Variants in CTNNA1 observed in about 807,000 individuals in gnomAD.
The protein encoded by CTNNA1 is catenin alpha-1.
CTNNA1 carries 37 observed loss-of-function variants against 98.4 expected under a neutral mutation model. That is an observed-to-expected ratio of 0.38 (90% confidence interval 0.29 to 0.49). CTNNA1 has a LOEUF of 0.49. CTNNA1 is among the 20% of genes least tolerant of loss of function. The pLI is 0.95. For missense variants in CTNNA1, 761 were observed against 1,147.2 expected (o/e 0.66, Z 4.86); for synonymous variants, 404 against 413.2 (o/e 0.98, Z 0.27).
intron 8 of CTNNA1, among the ~76,000 whole-genome samples, chr5:138,886,807 C>T (rs1754140147): frequency 6.6e-6 from 1 of 151,902 alleles, no homozygotes; most frequent in African/African-American, 2.4e-5. Context: ...GATAAATGAC[C>T]CCATTAACAT....
intron 7 of CTNNA1, among the ~76,000 whole-genome samples, chr5:138,881,396 G>A: frequency 6.6e-6 from 1 of 152,192 alleles, no homozygotes. Flanking sequence ...GAACAACCAA[G>A]GTCAAATTGC....
intron 7 of CTNNA1, among the ~76,000 whole-genome samples, chr5:138,829,077 G>A (rs59791647): frequency 2.6e-5 from 4 of 152,218 alleles, no homozygotes; most frequent in East Asian, 3.9e-4. Flanking sequence ...AACCATGGTC[G>A]CGCCACTGTG....
rs1758535940 is a variant in CTNNA1, at chr5:138,810,212, T to A, written c.468+8T>A. On this transcript the variant is annotated splice_region_variant and intron_variant, in intron 4 of 17. Coordinates refer to ENST00000302763, the MANE Select transcript of CTNNA1 (RefSeq NM_001903.5). Reference sequence around the variant, plus strand: ...CTTGTTCAGCTGAAAGTTGTAAGTATACAGGCCTATGTCTGTAATTTGTTC... The same window carrying A: ...CTTGTTCAGCTGAAAGTTGTAAGTAAACAGGCCTATGTCTGTAATTTGTTC... 1 of 1,612,444 alleles carries A rather than the reference T, an allele frequency of 6.2e-7. No individual in the cohort carries two copies. The highest frequency in any genetic ancestry group is 8.5e-7 in the Non-Finnish European group (1 of 1,178,634).
chr5:138,922,163 C>G lies in CTNNA1; in HGVS notation c.1547-2347C>G, dbSNP rs148111630. The stretch of plus-strand genomic sequence containing the variant: ...ATGGAGAATGCCAGTTGGCATGGTT[C>G]CTGGGGGGCAATTAGGTACCATACT... On this transcript the variant is annotated intron_variant, in intron 11 of 17. Transcript: ENST00000302763. Among the ~76,000 whole-genome samples, 1,161 of 152,200 alleles carry G rather than the reference C, an allele frequency of 7.6e-3. 54 individuals are homozygous for G. Among genetic ancestry groups the G allele is most frequent in the Admixed American group, 0.066 (1,011 of 15,284 alleles).
At chr5:138,885,841 A>G (rs941667168) in intron 7 of CTNNA1, among the ~76,000 whole-genome samples, 2 of 152,164 alleles carry the variant, frequency 1.3e-5, no homozygotes, top group African/African-American at 4.8e-5. Context: ...AATCAGGTGT[A>G]CCCTGTTCTT....
chr5:138,799,864 GT>G (rs1757375648), intron 3 of CTNNA1, among the ~76,000 whole-genome samples: 1 of 149,354 alleles, frequency 6.7e-6, no homozygotes, highest in Admixed American at 6.6e-5. Context: ...GTAGATGTAT[GT>G]ATGTATGTAT....
chr5:138,901,412 G>A (rs576953415), intron 9 of CTNNA1, among the ~76,000 whole-genome samples: 35 of 152,156 alleles, frequency 2.3e-4, no homozygotes, highest in African/African-American at 7.2e-4. Flanking sequence ...CGCCCACCTC[G>A]GCCTCCCAAA....
chr5:138,852,316 A>T (rs1018329996), intron 7 of CTNNA1, among the ~76,000 whole-genome samples: 1 of 151,464 alleles, frequency 6.6e-6, no homozygotes, highest in Non-Finnish European at 1.5e-5. Context: ...CCATATTGAC[A>T]TTTTTTTTGC....
chr5:138,793,390 G>C (rs542664031), intron 3 of CTNNA1, among the ~76,000 whole-genome samples: 2 of 152,306 alleles, frequency 1.3e-5, no homozygotes, highest in South Asian at 4.1e-4. Flanking sequence ...TTCTGCTGTA[G>C]CCAGCTTGGA....
chr5:138,921,986 A>G (rs556503874), intron 11 of CTNNA1, among the ~76,000 whole-genome samples: 58 of 152,096 alleles, frequency 3.8e-4, no homozygotes, highest in African/African-American at 1.3e-3. Flanking sequence ...GTCACAGGGT[A>G]AATCCTCTAC....
At chr5:138,932,234 G>A (rs1231566524) in intron 16 of CTNNA1, 3 of 1,076,432 alleles carry the variant, frequency 2.8e-6, no homozygotes, top group South Asian at 3.9e-5. Context: ...CGAGGGGCAT[G>A]GGCCTCCACC....
chr5:138,781,990 T>C lies in CTNNA1; in HGVS notation c.66T>C (p.Thr22=), dbSNP rs1189827236. ...ATCCTAAAAGTCTAGAGATCAGGAC[T>C]CTGGCAGTTGAGAGACTGTTGGAGC... ...KWDPKSLEIR[T]LAVERLLEPL... is the part of the protein sequence containing the mutation. The change falls in exon 2 of 18, where the codon ACT becomes ACC. Residue 22 remains threonine, a synonymous_variant. Transcript: ENST00000302763. 1 of 1,607,904 alleles carries C rather than the reference T, an allele frequency of 6.2e-7. No homozygotes were observed.
chr5:138,824,574 A>T lies in CTNNA1; in HGVS notation c.633A>T (p.Arg211Ser). ...VGHRDQMAAA[R>S]GILQKNVPIL... ...ATCGTGATCAGATGGCTGCAGCTAG[A>T]GGAATCCTGCAGAAGAACGTTCCGA... The change falls in exon 6 of 18, where the codon AGA (arginine) becomes AGT (serine). Residue 211 changes from arginine to serine, a missense_variant. By Grantham distance (110) the Arg-to-Ser change is moderately radical. Coordinates refer to ENST00000302763, the MANE Select transcript of CTNNA1 (RefSeq NM_001903.5). 2 of 1,614,244 alleles carry T rather than the reference A, an allele frequency of 1.2e-6. No individual in the cohort carries two copies. Among genetic ancestry groups the T allele is most frequent in the Non-Finnish European group, 1.7e-6 (2 of 1,180,048 alleles).
chr5:138,896,818 C>T (rs1756916458), intron 9 of CTNNA1, among the ~76,000 whole-genome samples: 1 of 152,186 alleles, frequency 6.6e-6, no homozygotes, highest in Admixed American at 6.5e-5. Context: ...TTAAAGTGTA[C>T]TGAGGTGAAG....
chr5:138,907,468 C>T (rs79379031), intron 10 of CTNNA1, among the ~76,000 whole-genome samples: 1,699 of 152,228 alleles, frequency 0.011, 27 homozygotes, highest in African/African-American at 0.039. Flanking sequence ...CTGCTGTGGC[C>T]CGTGTGTTTC....
chr5:138,774,392 A>T (rs1242392883), intron 1 of CTNNA1, among the ~76,000 whole-genome samples: 1 of 152,104 alleles, frequency 6.6e-6, no homozygotes, highest in East Asian at 1.9e-4. Flanking sequence ...CTAACGTTAA[A>T]GTTGGGAGAT....
intron 3 of CTNNA1, among the ~76,000 whole-genome samples, chr5:138,788,019 G>A (rs1049456695): frequency 1.3e-5 from 2 of 152,180 alleles, no homozygotes; most frequent in Admixed American, 1.3e-4. Flanking sequence ...TCGTTTTTGA[G>A]TAGCTACCTT....
chr5:138,876,056 T>A (rs1751429604), intron 7 of CTNNA1, among the ~76,000 whole-genome samples: 1 of 152,214 alleles, frequency 6.6e-6, no homozygotes, highest in Non-Finnish European at 1.5e-5. Context: ...GATCTTTAAA[T>A]GTCCTCCTGG....
At chr5:138,823,866 A>T (rs1447964554) in intron 5 of CTNNA1, among the ~76,000 whole-genome samples, 1 of 144,180 alleles carries the variant, frequency 6.9e-6, no homozygotes, top group East Asian at 2.1e-4. Flanking sequence ...CTGAGGCAGG[A>T]GAATGGCGTG....
Sources: gnomAD v4.1 joint callset for allele counts (sites outside exome capture counted in the v4.1 genomes callset) on GRCh38, gnomAD v4.1.1 for gene constraint, MANE v1.5 for transcripts, NCBI Gene and HGNC (gene_info 2026-07-23, HGNC 2026-07-21) for gene names.